CDIN1: variants seen among roughly 807,000 people sequenced by gnomAD.
CDIN1 encodes the protein CDAN1-interacting nuclease 1.
In CDIN1, 33 loss-of-function variants were observed where a neutral mutation model predicts 45.3. The observed-to-expected ratio is 0.73, with a 90% confidence interval of 0.55 to 0.97. The LOEUF is 0.97. CDIN1 is among the 50% of genes least tolerant of loss of function. The pLI, the probability that CDIN1 is intolerant of heterozygous loss-of-function variation, is 0.00. For missense variants in CDIN1, 303 were observed against 339.4 expected (o/e 0.89, Z 0.84); for synonymous variants, 118 against 124.4 (o/e 0.95, Z 0.34).
At chr15:36,695,999 A>AT (rs2042410389) in intron 7 of CDIN1, among the ~76,000 whole-genome samples, 2 of 152,088 alleles carry the variant, frequency 1.3e-5, no homozygotes, top group Non-Finnish European at 2.9e-5. Context: ...CTTTTTGAGA[A>AT]GCTATATGGA....
At chr15:36,602,744 G>A (rs1206274725) in intron 1 of CDIN1, among the ~76,000 whole-genome samples, 3 of 152,202 alleles carry the variant, frequency 2.0e-5, no homozygotes, top group Non-Finnish European at 2.9e-5. Context: ...AGGCCGAGGC[G>A]GGCAGATCAC....
At chr15:36,685,549 A>G (rs547342329) in intron 5 of CDIN1, among the ~76,000 whole-genome samples, 68 of 152,322 alleles carry the variant, frequency 4.5e-4, no homozygotes, top group African/African-American at 1.4e-3. Flanking sequence ...AAAACACAAA[A>G]TTGACAAATG....
At chr15:36,727,372 T>A (rs985772535) in intron 10 of CDIN1, among the ~76,000 whole-genome samples, 3 of 151,558 alleles carry the variant, frequency 2.0e-5, no homozygotes, top group African/African-American at 7.3e-5. Flanking sequence ...GTAGACACAC[T>A]TTTTCCCCCT....
intron 8 of CDIN1, chr15:36,705,808 A>T (rs1036296923): frequency 6.6e-6 from 1 of 152,164 alleles, no homozygotes; most frequent in Non-Finnish European, 1.5e-5. Context: ...CTTACTTTGT[A>T]TCTACTGTAG....
intron 5 of CDIN1, among the ~76,000 whole-genome samples, chr15:36,675,289 A>G (rs2041606780): frequency 6.6e-6 from 1 of 152,110 alleles, no homozygotes; most frequent in Admixed American, 6.6e-5. Context: ...TTCAGTTCTT[A>G]AAAATGTATT....
intron 5 of CDIN1, among the ~76,000 whole-genome samples, chr15:36,671,814 C>T (rs2140541907): frequency 6.6e-6 from 1 of 152,068 alleles, no homozygotes; most frequent in African/African-American, 2.4e-5. Context: ...TTATTTGTAC[C>T]TATAGCAGGT....
At chr15:36,719,481 A>AT (rs1343596009) in intron 10 of CDIN1, among the ~76,000 whole-genome samples, 2 of 152,206 alleles carry the variant, frequency 1.3e-5, no homozygotes, top group Non-Finnish European at 2.9e-5. Context: ...GCATTTGATT[A>AT]TGAAGCAATA....
chr15:36,702,611 G>T (rs2042684619), intron 8 of CDIN1, among the ~76,000 whole-genome samples: 1 of 152,004 alleles, frequency 6.6e-6, no homozygotes, highest in African/African-American at 2.4e-5. Context: ...GTTGTAAGTG[G>T]CAGAAATCCA....
At chr15:36,717,521 G>A (rs1039924776) in intron 10 of CDIN1, among the ~76,000 whole-genome samples, 1 of 152,114 alleles carries the variant, frequency 6.6e-6, no homozygotes, top group Non-Finnish European at 1.5e-5. Flanking sequence ...TTGCTGAGAG[G>A]CATTAAGTAG....
intron 10 of CDIN1, among the ~76,000 whole-genome samples, chr15:36,723,974 A>T (rs1319507868): frequency 1.3e-5 from 2 of 152,244 alleles, no homozygotes; most frequent in Non-Finnish European, 2.9e-5. Flanking sequence ...AATTATGTTC[A>T]AGGTGCTGGT....
rs1595618312 is a variant in CDIN1 at position 36,800,601 on chromosome 15, C to G, written c.717-7723C>G. Among the ~76,000 whole-genome samples the G allele has an allele frequency of 2.6e-5, 4 of 151,998 alleles. No individual in the cohort carries two copies. In the South Asian group the frequency reaches 8.3e-4, roughly 32 times the overall value. On this transcript the variant is annotated intron_variant, in intron 10 of 10. Coordinates refer to ENST00000566621, the MANE Select transcript of CDIN1 (RefSeq NM_001321759.2). Reference sequence around the variant, plus strand: ...ACAAGTGCATAACCAATCTACAACACGTAGATTAAAACTAAATAAACAGTG... The same window carrying G: ...ACAAGTGCATAACCAATCTACAACAGGTAGATTAAAACTAAATAAACAGTG...
At chr15:36,588,605 A>T (rs959161977) in intron 1 of CDIN1, among the ~76,000 whole-genome samples, 2 of 152,158 alleles carry the variant, frequency 1.3e-5, no homozygotes, top group African/African-American at 4.8e-5. Flanking sequence ...TAATCATTGG[A>T]CTAGGTAGGA....
chr15:36,727,128 G>C (rs958740601), intron 10 of CDIN1, among the ~76,000 whole-genome samples: 1 of 151,956 alleles, frequency 6.6e-6, no homozygotes, highest in African/African-American at 2.4e-5. Context: ...GATCATAAAT[G>C]TCAGGAAGCA....
chr15:36,671,526 T>C lies in CDIN1; in HGVS notation c.346+13621T>C, dbSNP rs919325779. On this transcript the variant is annotated intron_variant, in intron 5 of 10. Transcript: ENST00000566621. ...CTGAACATATACCACCCCCACCCCA[T>C]GGAAAGCTGGTTCTTTTGGCTGAAT... 4.6e-5 allele frequency among the ~76,000 whole-genome samples: 7 copies of C among 151,138 alleles called. No individual in the cohort carries two copies. The South Asian group carries it at 6.4e-4, about 14-fold the overall frequency.
intron 5 of CDIN1, among the ~76,000 whole-genome samples, chr15:36,662,466 GTA>G (rs2041053695): frequency 5.2e-4 from 3 of 5,762 alleles, no homozygotes; most frequent in Non-Finnish European, 1.1e-3. Flanking sequence ...TCAAAAGATG[GTA>G]CAATCATCTT....
At chr15:36,642,450 A>G (rs1008076249) in intron 1 of CDIN1, among the ~76,000 whole-genome samples, 1 of 152,172 alleles carries the variant, frequency 6.6e-6, no homozygotes, top group Non-Finnish European at 1.5e-5. Flanking sequence ...TTTTACCCCC[A>G]GTGTAAGCTG....
intron 1 of CDIN1, among the ~76,000 whole-genome samples, chr15:36,638,000 G>C (rs1223372809): frequency 6.6e-6 from 1 of 152,100 alleles, no homozygotes; most frequent in Non-Finnish European, 1.5e-5. Flanking sequence ...TTGGGGTGCT[G>C]GCAGTGTTCT....
chr15:36,788,964 T>A (rs931964780), intron 10 of CDIN1, among the ~76,000 whole-genome samples: 1 of 152,208 alleles, frequency 6.6e-6, no homozygotes, highest in African/African-American at 2.4e-5. Context: ...TCGCATTTTC[T>A]AGAAAGCATA....
At chr15:36,593,367 G>T (rs962423827) in intron 1 of CDIN1, among the ~76,000 whole-genome samples, 4 of 152,148 alleles carry the variant, frequency 2.6e-5, no homozygotes, top group Non-Finnish European at 5.9e-5. Context: ...ATACTTGAGT[G>T]AGTACCAGGT....
Sources: allele counts gnomAD v4.1 joint callset (sites outside exome capture counted in the v4.1 genomes callset), GRCh38; gene constraint gnomAD v4.1.1; transcripts MANE v1.5; gene names NCBI Gene and HGNC (gene_info 2026-07-23, HGNC 2026-07-21).